The following GRB10 variants were observed in gnomAD, a reference collection of about 807,000 sequenced individuals.
GRB10 encodes growth factor receptor bound protein 10, also known as growth factor receptor-bound protein 10.
A neutral mutation model predicts 80.9 loss-of-function variants in GRB10; 20 were observed. That is an observed-to-expected ratio of 0.25 (90% CI 0.17 to 0.36). The LOEUF (loss-of-function observed/expected upper bound fraction) is 0.36, where lower values mean the gene tolerates loss of function less well. Ranked by LOEUF, GRB10 falls within the 10% of genes least tolerant of loss-of-function variation. The probability of loss-of-function intolerance (pLI) is 1.00; values close to 1 mark genes in which losing one functional copy is unlikely to be tolerated. For missense variants in GRB10, 548 were observed against 747.7 expected, an observed-to-expected ratio of 0.73 and a Z score of 3.12; for synonymous variants, 291 against 291.5, an observed-to-expected ratio of 1.00 and a Z score of 0.02.
chr7:50,755,109 C>T (rs1295900760), intron 3 of GRB10, among the ~76,000 whole-genome samples: 1 of 152,218 alleles, frequency 6.6e-6, no homozygotes, highest in Non-Finnish European at 1.5e-5. Context: ...TGTAGCCAGC[C>T]AGTCTGCGGG....
At chr7:50,693,720 A>G (rs1235575371) in intron 5 of GRB10, among the ~76,000 whole-genome samples, 1 of 152,150 alleles carries the variant, frequency 6.6e-6, no homozygotes, top group Non-Finnish European at 1.5e-5. Flanking sequence ...GAACAAAGGC[A>G]TGATGAATGT....
intron 5 of GRB10, among the ~76,000 whole-genome samples, chr7:50,691,936 T>C (rs1374987808): frequency 6.6e-6 from 1 of 152,132 alleles, no homozygotes; most frequent in Non-Finnish European, 1.5e-5. Context: ...ATAGCACAGT[T>C]TCACCATGAG....
chr7:50,638,134 A>T (rs2055427045), intron 7 of GRB10, among the ~76,000 whole-genome samples: 1 of 152,214 alleles, frequency 6.6e-6, no homozygotes, highest in Admixed American at 6.5e-5. Flanking sequence ...CTCAAGATGG[A>T]TTAAAGACTT....
At chr7:50,750,979 C>T (rs1312829614) in intron 3 of GRB10, among the ~76,000 whole-genome samples, 1 of 152,192 alleles carries the variant, frequency 6.6e-6, no homozygotes, top group African/African-American at 2.4e-5. Context: ...TAAGGGTATG[C>T]TCTGAGGGTC....
intron 10 of GRB10, among the ~76,000 whole-genome samples, chr7:50,617,707 C>T (rs1166660646): frequency 6.6e-6 from 1 of 152,156 alleles, no homozygotes; most frequent in Non-Finnish European, 1.5e-5. Context: ...TAGGCGGTGG[C>T]CTGACCTGGG....
intron 4 of GRB10, among the ~76,000 whole-genome samples, chr7:50,718,453 C>G (rs2067215589): frequency 6.6e-6 from 1 of 152,106 alleles, no homozygotes; most frequent in South Asian, 2.1e-4. Flanking sequence ...CCCACACTTT[C>G]TTCTCACGGC....
chr7:50,646,001 T>C (rs565709395), intron 7 of GRB10, among the ~76,000 whole-genome samples: 5 of 152,168 alleles, frequency 3.3e-5, no homozygotes, highest in Non-Finnish European at 7.4e-5. Context: ...CACATACTTA[T>C]AAATACATAA....
At chr7:50,691,316 C>T (rs2062784359) in intron 5 of GRB10, among the ~76,000 whole-genome samples, 1 of 152,148 alleles carries the variant, frequency 6.6e-6, no homozygotes, top group Non-Finnish European at 1.5e-5. Flanking sequence ...GGATGAAATG[C>T]TTAGAGGCCA....
intron 5 of GRB10, among the ~76,000 whole-genome samples, chr7:50,689,007 G>A (rs2062449681): frequency 6.6e-6 from 1 of 152,174 alleles, no homozygotes; most frequent in African/African-American, 2.4e-5. Flanking sequence ...GGAGGGTGGA[G>A]GCCAGGAAGA....
intron 5 of GRB10, among the ~76,000 whole-genome samples, chr7:50,687,289 G>A (rs1329055105): frequency 2.0e-5 from 3 of 152,206 alleles, no homozygotes; most frequent in South Asian, 2.1e-4. Flanking sequence ...TCTATTGGCA[G>A]GATACATTCC....
chr7:50,685,029 C>G (rs1337461875), intron 5 of GRB10, among the ~76,000 whole-genome samples: 1 of 152,184 alleles, frequency 6.6e-6, no homozygotes, highest in Non-Finnish European at 1.5e-5. Flanking sequence ...GCACTGTGCT[C>G]TCTCAGAAAG....
At chr7:50,687,009 G>T (rs764672960) in intron 5 of GRB10, among the ~76,000 whole-genome samples, 1 of 152,134 alleles carries the variant, frequency 6.6e-6, no homozygotes, top group African/African-American at 2.4e-5. Flanking sequence ...ACCTTACCCT[G>T]AGTCTGGCAC....
At chr7:50,599,084 T>C (rs1332699551) in intron 17 of GRB10, among the ~76,000 whole-genome samples, 1 of 151,294 alleles carries the variant, frequency 6.6e-6, no homozygotes, top group East Asian at 2.0e-4. Context: ...GGGACGGGCA[T>C]GGGTGGCAAG....
At chr7:50,603,933 A>G (rs2048067173) in intron 17 of GRB10, 65 bp downstream of exon 17, 2 of 1,271,984 alleles carry the variant, frequency 1.6e-6, no homozygotes, top group South Asian at 2.4e-5. Flanking sequence ...GGAATTAAAC[A>G]GAACAGATCC....
At chr7:50,678,116 C>T (rs984451428) in intron 5 of GRB10, among the ~76,000 whole-genome samples, 1 of 152,206 alleles carries the variant, frequency 6.6e-6, no homozygotes, top group African/African-American at 2.4e-5. Context: ...CTGTCCTTTT[C>T]CTGCTAAGCC....
chr7:50,727,949 T>C (rs1473479467), intron 4 of GRB10: 2 of 152,218 alleles, frequency 1.3e-5, no homozygotes, highest in Non-Finnish European at 2.9e-5. Context: ...TGCAGGTGAA[T>C]AGTAGTCAAC....
chr7:50,619,406 G>A, intron 8 of GRB10, 121 bp from the exon 9 acceptor site: 1 of 722,832 alleles, frequency 1.4e-6, no homozygotes, highest in Non-Finnish European at 2.5e-6. Context: ...ATAAAGATGA[G>A]GTCAGGAAGG....
intron 17 of GRB10, among the ~76,000 whole-genome samples, chr7:50,599,869 T>A (rs1244850865): frequency 6.6e-6 from 1 of 152,156 alleles, no homozygotes. Flanking sequence ...GCCCTTTCAA[T>A]CCAAAGTGGA....
intron 9 of GRB10, among the ~76,000 whole-genome samples, 183 bp downstream of exon 9, chr7:50,618,987 T>C (rs1053992093): frequency 2.0e-5 from 3 of 152,206 alleles, no homozygotes; most frequent in African/African-American, 7.2e-5. Flanking sequence ...CCCACGCACA[T>C]TTAGTGAAGC....
Sources: gnomAD v4.1 joint callset for allele counts (sites outside exome capture counted in the v4.1 genomes callset) on GRCh38, gnomAD v4.1.1 for gene constraint, MANE v1.5 for transcripts, NCBI Gene and HGNC (gene_info 2026-07-23, HGNC 2026-07-21) for gene names.